Variants in RPS6KA5 observed in about 807,000 individuals in gnomAD.
The protein encoded by RPS6KA5 is ribosomal protein S6 kinase alpha-5.
In RPS6KA5, 27 loss-of-function variants were observed where a neutral mutation model predicts 85.5. That is an observed-to-expected ratio of 0.32 (90% CI 0.23 to 0.44). The LOEUF (loss-of-function observed/expected upper bound fraction) is 0.44. Ranked by LOEUF, RPS6KA5 falls within the 20% of genes least tolerant of loss-of-function variation. The probability of loss-of-function intolerance (pLI) is 1.00; values close to 1 mark genes in which losing one functional copy is unlikely to be tolerated. For synonymous variants in RPS6KA5, 334 were observed against 348.2 expected (o/e 0.96, Z 0.46); for missense variants, 811 against 980.9 (o/e 0.83, Z 2.31).
chr14:90,959,182 C>T (rs1444039396), intron 3 of RPS6KA5, among the ~76,000 whole-genome samples: 1 of 152,120 alleles, frequency 6.6e-6, no homozygotes, highest in African/African-American at 2.4e-5. Context: ...GGCTTATGGA[C>T]CTTTACTGGA....
intron 2 of RPS6KA5, 109 bp from the exon 3 acceptor site, chr14:90,978,633 A>G (rs2039665626): frequency 1.3e-6 from 1 of 770,262 alleles, no homozygotes; most frequent in Non-Finnish European, 2.0e-6. Context: ...CTTTAAAGGA[A>G]AAAGTACCCT....
intron 3 of RPS6KA5, among the ~76,000 whole-genome samples, chr14:90,968,754 T>C (rs951891163): frequency 6.6e-6 from 1 of 152,214 alleles, no homozygotes; most frequent in Non-Finnish European, 1.5e-5. Flanking sequence ...AAAATGGTTA[T>C]GTTAACCCAC....
chr14:90,976,316 A>G (rs1274973757), intron 3 of RPS6KA5, among the ~76,000 whole-genome samples: 2 of 152,020 alleles, frequency 1.3e-5, no homozygotes, highest in African/African-American at 4.8e-5. Context: ...GGACAACCTT[A>G]GACACATGAT....
chr14:90,908,287 G>A (rs1322935993), intron 7 of RPS6KA5, among the ~76,000 whole-genome samples: 1 of 152,190 alleles, frequency 6.6e-6, no homozygotes, highest in African/African-American at 2.4e-5. Context: ...AGATGAGGCA[G>A]GGACCACACT....
intron 3 of RPS6KA5, among the ~76,000 whole-genome samples, chr14:90,967,320 C>G (rs1231971959): frequency 1.3e-5 from 2 of 152,086 alleles, no homozygotes; most frequent in East Asian, 3.8e-4. Flanking sequence ...ATAAATAATT[C>G]TAACTTCCAC....
At chr14:90,944,914 T>C (rs561795593) in intron 4 of RPS6KA5, among the ~76,000 whole-genome samples, 1 of 143,518 alleles carries the variant, frequency 7.0e-6, no homozygotes, top group Admixed American at 7.0e-5. Flanking sequence ...CATATGTCTA[T>C]TTTTAGACCC....
At position 90,862,195 on chromosome 14, in the gene RPS6KA5, G is replaced by C. The variant is rs1015310113; in HGVS notation, c.*9879C>G. Reference sequence around the variant, plus strand: ...CCAATAATAATTACATTAACTGTAAGTAGACAAGATATATTCCAATTAATG... The same window carrying C: ...CCAATAATAATTACATTAACTGTAACTAGACAAGATATATTCCAATTAATG... On this transcript the variant is annotated 3_prime_UTR_variant, in exon 17 of 17. Coordinates refer to ENST00000614987, the MANE Select transcript of RPS6KA5 (RefSeq NM_004755.4). 1 of 152,172 alleles carries C rather than the reference G, an allele frequency of 6.6e-6. No homozygotes were observed. Among genetic ancestry groups the C allele is most frequent in the Non-Finnish European group, 1.5e-5 (1 of 68,030 alleles). The allele number at this position is 152,172 out of a possible 1,614,324, so 9.4% of individuals were successfully genotyped here. A position where few individuals can be genotyped will look rare whatever the true frequency, so the allele number is the denominator to read the frequency against.
At chr14:90,941,160 A>T (rs1421978008) in intron 5 of RPS6KA5, among the ~76,000 whole-genome samples, 3 of 152,204 alleles carry the variant, frequency 2.0e-5, no homozygotes, top group Non-Finnish European at 4.4e-5. Flanking sequence ...TCAAAATAAT[A>T]TTTTAAAATA....
rs767748343 is a variant in RPS6KA5 at position 90,978,285 on chromosome 14, C to G, written c.394+21G>C. ...AAAGAAAAGTGTTTTCATAAAAAGT[C>G]TGATAACAACTGACACTTACCTAAA... On this transcript the variant is annotated intron_variant, in intron 3 of 16. Coordinates refer to ENST00000614987, the MANE Select transcript of RPS6KA5 (RefSeq NM_004755.4). 5 of 1,552,528 alleles carry G rather than the reference C, an allele frequency of 3.2e-6. No individual in the cohort carries two copies. In the African/African-American group the frequency reaches 6.9e-5, roughly 21 times the overall value.
At chr14:90,955,405 C>T (rs1473377583) in intron 3 of RPS6KA5, among the ~76,000 whole-genome samples, 1 of 152,138 alleles carries the variant, frequency 6.6e-6, no homozygotes, top group Non-Finnish European at 1.5e-5. Context: ...CAGGTGTGTG[C>T]CACCATGCCT....
At chr14:91,016,778 T>C (rs2041516026) in intron 1 of RPS6KA5, among the ~76,000 whole-genome samples, 1 of 150,242 alleles carries the variant, frequency 6.7e-6, no homozygotes, top group South Asian at 2.1e-4. Flanking sequence ...TTTGGTTGGA[T>C]GGTCAGGGAC....
chr14:91,028,942 G>A (rs899406155), intron 1 of RPS6KA5, among the ~76,000 whole-genome samples: 2 of 152,166 alleles, frequency 1.3e-5, no homozygotes, highest in Non-Finnish European at 2.9e-5. Flanking sequence ...AAATACATCT[G>A]AAGTAATATA....
chr14:90,957,301 G>A (rs1032736960), intron 3 of RPS6KA5, among the ~76,000 whole-genome samples: 4 of 152,208 alleles, frequency 2.6e-5, no homozygotes, highest in South Asian at 4.1e-4. Context: ...CTGGCCTCTC[G>A]TGATCTGCCT....
In RPS6KA5 at chr14:90,848,083, C is replaced by T. The variant is rs1331594583; in HGVS notation, c.*23991G>A. Reference sequence around the variant, plus strand: ...TTCAACACAGCTCAACAACTCATTCCGATCTACCCAAACAAAGAGAAAACT... The same window carrying T: ...TTCAACACAGCTCAACAACTCATTCTGATCTACCCAAACAAAGAGAAAACT... On this transcript the variant is annotated 3_prime_UTR_variant, in exon 17 of 17. Coordinates refer to ENST00000614987, the MANE Select transcript of RPS6KA5 (RefSeq NM_004755.4). 3.3e-5 allele frequency: 5 copies of T among 151,960 alleles called. No individual in the cohort carries two copies. Among genetic ancestry groups the T allele is most frequent in the Non-Finnish European group, 5.9e-5 (4 of 68,000 alleles). The allele number at this position is 151,960 out of a possible 1,614,324, so 9.4% of individuals were successfully genotyped here. A position where few individuals can be genotyped will look rare whatever the true frequency, so the allele number is the denominator to read the frequency against.
intron 7 of RPS6KA5, among the ~76,000 whole-genome samples, chr14:90,909,611 T>C (rs1303458900): frequency 4.6e-5 from 7 of 152,176 alleles, no homozygotes; most frequent in African/African-American, 1.7e-4. Context: ...TTGCAAAATA[T>C]ACAGCACAAG....
intron 5 of RPS6KA5, among the ~76,000 whole-genome samples, chr14:90,923,477 G>A (rs1328282056): frequency 6.9e-6 from 1 of 145,286 alleles, no homozygotes; most frequent in Non-Finnish European, 1.5e-5. Context: ...TCCTTTCCAT[G>A]AATCCATTCA....
Position 90,855,606 on chromosome 14 carries a change from T to A in RPS6KA5, c.*16468A>T, listed in dbSNP as rs2032239194. 2 of 143,388 alleles carry A rather than the reference T, an allele frequency of 1.4e-5. No individual in the cohort carries two copies. Among genetic ancestry groups the A allele is most frequent in the African/African-American group, 5.7e-5 (2 of 34,882 alleles). The allele number at this position is 143,388 out of a possible 1,614,324, so 8.9% of individuals were successfully genotyped here. A position where few individuals can be genotyped will look rare whatever the true frequency, so the allele number is the denominator to read the frequency against. On this transcript the variant is annotated 3_prime_UTR_variant, in exon 17 of 17. Coordinates refer to ENST00000614987, the MANE Select transcript of RPS6KA5 (RefSeq NM_004755.4). The stretch of plus-strand genomic sequence containing the variant: ...GCACCCACCACCACGCCCAGCTAAT[T>A]TTTGTATTTTTTTTTTTTTGAGACA...
At chr14:90,996,932 T>C (rs191482901) in intron 2 of RPS6KA5, among the ~76,000 whole-genome samples, 45 of 152,186 alleles carry the variant, frequency 3.0e-4, no homozygotes, top group Non-Finnish European at 4.9e-4. Flanking sequence ...CCAAACCCTA[T>C]TTTTCTGGCA....
At chr14:90,904,820 T>C (rs1397399651) in intron 8 of RPS6KA5, among the ~76,000 whole-genome samples, 1 of 152,196 alleles carries the variant, frequency 6.6e-6, no homozygotes, top group Non-Finnish European at 1.5e-5. Context: ...AAAATTACTA[T>C]TCCAAGCTAC....
Sources: allele counts gnomAD v4.1 joint callset (sites outside exome capture counted in the v4.1 genomes callset), GRCh38; gene constraint gnomAD v4.1.1; transcripts MANE v1.5; gene names NCBI Gene and HGNC (gene_info 2026-07-23, HGNC 2026-07-21).